Variants in HHIP observed in about 807,000 individuals in gnomAD.
The protein encoded by HHIP is hedgehog-interacting protein.
HHIP carries 12 observed loss-of-function variants against 74.0 expected under a neutral mutation model. That is an observed-to-expected ratio of 0.16 (90% CI 0.10 to 0.26). The LOEUF is 0.26. HHIP is among the 10% of genes least tolerant of loss of function. The pLI is 1.00. For synonymous variants in HHIP, 309 were observed against 311.6 expected (o/e 0.99, Z 0.09); for missense variants, 788 against 845.0 (o/e 0.93, Z 0.84).
At chr4:144,662,537 G>T (rs1050131230) in intron 4 of HHIP, among the ~76,000 whole-genome samples, 2 of 152,216 alleles carry the variant, frequency 1.3e-5, no homozygotes, top group Non-Finnish European at 2.9e-5. Context: ...GTGGCATTGA[G>T]ATTAAAGAGT....
rs1185866838 is a variant in HHIP, at chr4:144,739,085, A to C, written c.*1128A>C. On this transcript the variant is annotated 3_prime_UTR_variant, in exon 13 of 13. Transcript: ENST00000296575. ...AAGCTGTCACCTGTACAAATTTTTA[A>C]CATAATAATTCTTGCCAAATATGAC... is the stretch of plus-strand genomic sequence containing the variant. 1 of 152,228 alleles carries C rather than the reference A, an allele frequency of 6.6e-6. No homozygotes were observed. Among genetic ancestry groups the C allele is most frequent in the Non-Finnish European group, 1.5e-5 (1 of 68,034 alleles). 9.4% of individuals were successfully genotyped at this position (152,228 alleles called of 1,614,324 possible). A position where few individuals can be genotyped will look rare whatever the true frequency, so the allele number is the denominator to read the frequency against.
At chr4:144,687,279 T>C (rs572720221) in intron 4 of HHIP, among the ~76,000 whole-genome samples, 12 of 152,312 alleles carry the variant, frequency 7.9e-5, no homozygotes, top group African/African-American at 2.9e-4. Context: ...ATAGAGAGTT[T>C]TGGAGTACAG....
intron 11 of HHIP, among the ~76,000 whole-genome samples, chr4:144,722,002 G>A (rs1394489931): frequency 6.6e-6 from 1 of 152,048 alleles, no homozygotes; most frequent in African/African-American, 2.4e-5. Context: ...TTCAGGGACT[G>A]AACAGTCACA....
rs1731195049 is a variant in HHIP at position 144,738,868 on chromosome 4, T to C, written c.*911T>C. The C allele has an allele frequency of 5.7e-6, 1 of 174,734 alleles. No individual in the cohort carries two copies. The highest frequency in any genetic ancestry group is 2.4e-5 in the African/African-American group (1 of 41,878). The allele number at this position is 174,734 out of a possible 1,614,324, so 10.8% of individuals were successfully genotyped here. ...CTAGCAAGGTATCCTTGTGCCAACA[T>C]GTAATCATTAACGACGGATGAAAAA... is the stretch of plus-strand genomic sequence containing the variant. On this transcript the variant is annotated 3_prime_UTR_variant, in exon 13 of 13. Transcript: ENST00000296575.
intron 11 of HHIP, among the ~76,000 whole-genome samples, chr4:144,729,186 C>CCATCAT (rs1307266508): frequency 6.6e-6 from 1 of 152,034 alleles, no homozygotes; most frequent in Non-Finnish European, 1.5e-5. Flanking sequence ...AAAATTTATC[C>CCATCAT]CATCATAAGA....
intron 4 of HHIP, among the ~76,000 whole-genome samples, chr4:144,695,858 T>C (rs1729803372): frequency 6.6e-6 from 1 of 151,894 alleles, no homozygotes; most frequent in Non-Finnish European, 1.5e-5. Flanking sequence ...GTGGTGAGCC[T>C]GGTGCTAAAT....
rs1204710369 is a variant in HHIP at position 144,740,009 on chromosome 4, AT to A, written c.*2057del. On this transcript the variant is annotated 3_prime_UTR_variant, in exon 13 of 13. Coordinates refer to ENST00000296575, the MANE Select transcript of HHIP (RefSeq NM_022475.3). ...ATTAAAAAAAAATGTCCTGACAACCATTTTTGTAAATGGACCTTACCATCTA... is the reference window on the plus strand; with the variant it reads ...ATTAAAAAAAAATGTCCTGACAACCATTTTGTAAATGGACCTTACCATCTA... The A allele has an allele frequency of 2.0e-5, 3 of 152,110 alleles. No homozygotes were observed. The highest frequency in any genetic ancestry group is 7.2e-5 in the African/African-American group (3 of 41,424). The allele number at this position is 152,110 out of a possible 1,614,324, so 9.4% of individuals were successfully genotyped here.
intron 2 of HHIP, among the ~76,000 whole-genome samples, chr4:144,657,389 T>C (rs112446223): frequency 1.4e-3 from 213 of 152,308 alleles, no homozygotes; most frequent in African/African-American, 5.1e-3. Flanking sequence ...TCAGTATGTT[T>C]ATCACAAAAT....
chr4:144,656,479 G>A lies in HHIP; in HGVS notation c.473-2311G>A, dbSNP rs1257613008. Among the ~76,000 whole-genome samples, 4 of 152,074 alleles carry A rather than the reference G, an allele frequency of 2.6e-5. No homozygotes were observed. The South Asian group carries it at 8.3e-4, about 32-fold the overall frequency. ...CCCAGTTACTAATTCCCTTTAAATT[G>A]GAATTGACCACCAGCATTGTTTATT... On this transcript the variant is annotated intron_variant, in intron 2 of 12. Transcript: ENST00000296575.
intron 1 of HHIP, chr4:144,650,714 G>A (rs1728395871): frequency 6.6e-6 from 1 of 152,012 alleles, no homozygotes; most frequent in Admixed American, 6.6e-5. Context: ...TGCTGGGCCG[G>A]AACAGCATGA....
At chr4:144,702,421 T>C (rs549674357) in intron 4 of HHIP, among the ~76,000 whole-genome samples, 1 of 152,344 alleles carries the variant, frequency 6.6e-6, no homozygotes, top group African/African-American at 2.4e-5. Context: ...ATAACTAGAA[T>C]GGCAGATAGT....
chr4:144,712,966 A>G (rs1730344731), intron 8 of HHIP, among the ~76,000 whole-genome samples: 1 of 151,920 alleles, frequency 6.6e-6, no homozygotes, highest in South Asian at 2.1e-4. Context: ...AAAAAAAAAA[A>G]AACTAATGAG....
At chr4:144,663,961 G>A (rs891037583) in intron 4 of HHIP, among the ~76,000 whole-genome samples, 3 of 152,176 alleles carry the variant, frequency 2.0e-5, no homozygotes, top group East Asian at 3.9e-4. Flanking sequence ...GGATATGCCC[G>A]CACCTGTCAC....
rs1730322204 is a variant in HHIP at position 144,712,066 on chromosome 4, A to T, written c.1418A>T (p.Asp473Val). 1.2e-6 allele frequency: 2 copies of T among 1,612,706 alleles called. No homozygotes were observed. The highest frequency in any genetic ancestry group is 1.7e-6 in the Non-Finnish European group (2 of 1,179,004). ...ARILQIIKGK[D>V]YESEPSLLEF... ...ATTCTACAGATAATAAAGGGGAAAG[A>T]TTATGGTATGTAGAGCATAATTTGC... The change falls in exon 8 of 13, where the codon GAT becomes GTT. Residue 473 changes from aspartate to valine, a missense_variant. Transcript: ENST00000296575.
chr4:144,651,225 T>C (rs546917221), intron 1 of HHIP, among the ~76,000 whole-genome samples: 2 of 152,222 alleles, frequency 1.3e-5, no homozygotes, highest in South Asian at 4.1e-4. Context: ...TTTAAGCAAT[T>C]GTTATTTAAA....
At chr4:144,673,912 G>A (rs565881853) in intron 4 of HHIP, among the ~76,000 whole-genome samples, 151 of 152,112 alleles carry the variant, frequency 9.9e-4, no homozygotes, top group Middle Eastern at 3.4e-3. Context: ...GTCCCCTTTC[G>A]TACCTGCATC....
intron 4 of HHIP, among the ~76,000 whole-genome samples, chr4:144,694,030 T>C (rs1400745193): frequency 6.6e-6 from 1 of 152,036 alleles, no homozygotes; most frequent in Non-Finnish European, 1.5e-5. Context: ...GTTCATATTG[T>C]AGTGTTTTAA....
At chr4:144,710,429 C>T (rs986878337) in intron 7 of HHIP, among the ~76,000 whole-genome samples, 3 of 152,140 alleles carry the variant, frequency 2.0e-5, no homozygotes, top group Non-Finnish European at 4.4e-5. Flanking sequence ...TATGGTTTCC[C>T]TATCATGAAT....
intron 4 of HHIP, among the ~76,000 whole-genome samples, chr4:144,683,572 A>G (rs1177224433): frequency 6.6e-6 from 1 of 152,200 alleles, no homozygotes; most frequent in Non-Finnish European, 1.5e-5. Flanking sequence ...ACATATGTGG[A>G]TATTATTTAG....
Sources: gnomAD v4.1 joint callset for allele counts (sites outside exome capture counted in the v4.1 genomes callset) on GRCh38, gnomAD v4.1.1 for gene constraint, MANE v1.5 for transcripts, NCBI Gene and HGNC (gene_info 2026-07-23, HGNC 2026-07-21) for gene names.